The following MAN2B1 variants were observed in gnomAD, a reference collection of about 807,000 sequenced individuals.
The protein encoded by MAN2B1 is lysosomal alpha-mannosidase.
MAN2B1 carries 99 observed loss-of-function variants against 127.5 expected under a neutral mutation model. The ratio of observed to expected loss-of-function variants is 0.78; its 90% confidence interval spans 0.66 to 0.92. The LOEUF is 0.92. Among genes scored for constraint, MAN2B1 ranks in the 40% least tolerant of loss-of-function variants. MAN2B1 has a pLI of 0.00. For synonymous variants in MAN2B1, 573 were observed against 568.8 expected (o/e 1.01, Z -0.11); for missense variants, 1,304 against 1,384.8 (o/e 0.94, Z 0.93).
At position 12,664,870 on chromosome 19, in the gene MAN2B1, G is replaced by T. The variant is rs993605117; in HGVS notation, c.552C>A (p.Gly184=). 1.1e-5 allele frequency: 17 copies of T among 1,613,940 alleles called. No individual in the cohort carries two copies. Among genetic ancestry groups the T allele is most frequent in the Admixed American group, 1.7e-5 (1 of 59,984 alleles). The stretch of plus-strand genomic sequence containing the variant: ...AGGCCACACGGGGTCGCCCATCATT[G>T]CCAAATGTGTCCTCCAGAAAGCGCA... ...LGLRFLEDTF[G]NDGRPRVAWH... is the part of the protein sequence containing the mutation. Residue 184 remains glycine, a synonymous_variant, in exon 4 of 24, where the codon GGC becomes GGA. Transcript: ENST00000456935.
At chr19:12,650,594 G>A (rs1160154259) in intron 16 of MAN2B1, among the ~76,000 whole-genome samples, 4 of 151,736 alleles carry the variant, frequency 2.6e-5, no homozygotes, top group Non-Finnish European at 4.4e-5. Context: ...TCCTGACCTC[G>A]TGATCAGCCC....
intron 7 of MAN2B1, chr19:12,660,885 A>C (rs541966825): frequency 4.0e-4 from 121 of 304,414 alleles, no homozygotes; most frequent in East Asian, 2.2e-3. Context: ...CAGGCTCCCG[A>C]GTAGCTGGGA....
At chr19:12,648,828 C>T (rs1031149883) in intron 20 of MAN2B1, among the ~76,000 whole-genome samples, 5 of 152,140 alleles carry the variant, frequency 3.3e-5, no homozygotes, top group African/African-American at 1.2e-4. Flanking sequence ...AACCCCATCT[C>T]TACTAAAAAT....
At chr19:12,650,502 G>A (rs905550552) in intron 16 of MAN2B1, among the ~76,000 whole-genome samples, 4 of 147,294 alleles carry the variant, frequency 2.7e-5, no homozygotes, top group Non-Finnish European at 4.5e-5. Flanking sequence ...GGGACTACAG[G>A]CACCCGCCAC....
Position 12,648,224 on chromosome 19 carries a change from G to A in MAN2B1, c.2615C>T (p.Ala872Val), listed in dbSNP as rs1258308427. 2 of 1,580,800 alleles carry A rather than the reference G, an allele frequency of 1.3e-6. No homozygotes were observed. Among genetic ancestry groups the A allele is most frequent in the Non-Finnish European group, 8.6e-7 (1 of 1,169,366 alleles). Residue 872 changes from alanine (A) to valine (V), a missense_variant, in exon 21 of 24, where the codon GCC (alanine) becomes GTC (valine). Ala to Val is a moderately conservative substitution (Grantham distance 64, BLOSUM62 0). Coordinates refer to ENST00000456935, the MANE Select transcript of MAN2B1 (RefSeq NM_000528.4). ...QEVLAPQVVLAPGGGAAYNLG... is the reference protein window; with the variant it reads ...QEVLAPQVVLVPGGGAAYNLG... ...ATTGTAGGCGGCGCCGCCACCCGGG[G>A]CCAGCACCACCTGAGGGGCCAGGAC...
intron 18 of MAN2B1, 47 bp downstream of exon 18, chr19:12,649,866 C>T: frequency 6.7e-7 from 1 of 1,497,476 alleles, no homozygotes; most frequent in Non-Finnish European, 9.3e-7. Context: ...CCCCTGGGCC[C>T]CAACACACCA....
At chr19:12,658,373 G>A (rs951378339) in intron 8 of MAN2B1, 29 bp from the exon 9 acceptor site, 2 of 1,614,208 alleles carry the variant, frequency 1.2e-6, no homozygotes, top group Non-Finnish European at 1.7e-6. Flanking sequence ...TGAGGGCAGG[G>A]TCATGACCCA....
At chr19:12,657,832 G>A (rs1246537848) in intron 10 of MAN2B1, 1 of 614,636 alleles carries the variant, frequency 1.6e-6, no homozygotes, top group East Asian at 2.8e-5. Context: ...GTGGGCGCCT[G>A]TAGTCCCAGC....
In MAN2B1 at chr19:12,647,269, C is replaced by T. The variant is rs757072948; in HGVS notation, c.2887G>A (p.Glu963Lys). 1.2e-6 allele frequency: 2 copies of T among 1,614,102 alleles called. No individual in the cohort carries two copies. The highest frequency in any genetic ancestry group is 1.1e-5 in the South Asian group (1 of 91,076). The change falls in exon 23 of 24, where the codon GAG (glutamate) becomes AAG (lysine). Residue 963 changes from glutamate (E) to lysine (K), a missense_variant. Coordinates refer to ENST00000456935, the MANE Select transcript of MAN2B1 (RefSeq NM_000528.4). The surrounding 1 kb of genome is among the most constrained non-coding windows in gnomAD (Gnocchi z 4.9). ...ETTLVANQLR[E>K]AASRLKWTTN... ...GTCCACTTGAGCCTGGAGGCTGCCT[C>T]GCGGAGCTGGTTGGCCACCAGCGTG... is the stretch of plus-strand genomic sequence containing the variant.
At chr19:12,660,771 TTTTTTG>T in intron 7 of MAN2B1, 1 of 150,934 alleles carries the variant, frequency 6.6e-6, no homozygotes, top group Non-Finnish European at 1.5e-5. Context: ...TTTTTTTTTT[TTTTTTG>T]AGACAGAGTC....
intron 14 of MAN2B1, among the ~76,000 whole-genome samples, chr19:12,655,345 T>C (rs2023931016): frequency 6.6e-6 from 1 of 152,158 alleles, no homozygotes; most frequent in Non-Finnish European, 1.5e-5. Context: ...CCTGGATCTC[T>C]CTTCCTTCAA....
intron 18 of MAN2B1, 53 bp downstream of exon 18, chr19:12,649,859 CT>C (rs2023799235): frequency 1.4e-6 from 2 of 1,423,680 alleles, no homozygotes; most frequent in Non-Finnish European, 2.0e-6. Context: ...CTCACCACCC[CT>C]GGGCCCCAAC....
At chr19:12,665,912 G>A (rs2024224105) in intron 1 of MAN2B1, 107 bp from the exon 2 acceptor site, 4 of 854,156 alleles carry the variant, frequency 4.7e-6, no homozygotes, top group South Asian at 1.4e-5. Context: ...GCCTGATCTC[G>A]CCTATGTGCA....
rs1216353827 is a variant in MAN2B1 at position 12,663,899 on chromosome 19, CT to C, written c.631-65del. The C allele has an allele frequency of 1.9e-5, 30 of 1,608,654 alleles. No individual in the cohort carries two copies. The East Asian group carries it at 6.5e-4, about 35-fold the overall frequency. ...CCAGCCCTCTCACCACCAAACTCCC[CT>C]CTGCTTGGGAGGGGCAGGTCAGAGC... On this transcript the variant is annotated intron_variant, in intron 4 of 23. Transcript: ENST00000456935.
chr19:12,663,523 C>T (rs2024157916), intron 5 of MAN2B1, 61 bp from the exon 6 acceptor site: 5 of 1,601,132 alleles, frequency 3.1e-6, no homozygotes, highest in Non-Finnish European at 4.3e-6. Context: ...GGTTTCAAAG[C>T]CGGCCATGTC....
rs190751282 is a variant in MAN2B1, at chr19:12,661,505, C to A, written c.910-129G>T. 1.5e-3 allele frequency: 1,119 copies of A among 740,606 alleles called. 16 individuals carry two copies. The highest frequency in any genetic ancestry group is 1.6e-4 in the Non-Finnish European group (65 of 396,590). 45.9% of individuals were successfully genotyped at this position (740,606 alleles called of 1,614,324 possible). On this transcript the variant is annotated intron_variant, in intron 6 of 23. Transcript: ENST00000456935. ...TGGGTGGGGGTATGGCACTTGGGAG[C>A]GTGGGGACACAGATAAAAGTAGCCA...
intron 1 of MAN2B1, 33 bp from the exon 2 acceptor site, chr19:12,665,838 C>A: frequency 6.4e-7 from 1 of 1,554,278 alleles, no homozygotes; most frequent in South Asian, 1.1e-5. Flanking sequence ...CATACCTTGT[C>A]AATAACCCCC....
At chr19:12,655,009 C>T (rs2023924621) in intron 14 of MAN2B1, among the ~76,000 whole-genome samples, 1 of 152,120 alleles carries the variant, frequency 6.6e-6, no homozygotes, top group African/African-American at 2.4e-5. Context: ...ACTCTGTTGC[C>T]AGGATGGAGT....
chr19:12,650,346 G>A (rs372272084), intron 16 of MAN2B1, 124 bp from the exon 17 acceptor site: 44 of 681,174 alleles, frequency 6.5e-5, no homozygotes, highest in Admixed American at 2.3e-4. Flanking sequence ...TTCAGTCACC[G>A]CCACATAATT....
Sources: gnomAD v4.1 joint callset for allele counts (sites outside exome capture counted in the v4.1 genomes callset) on GRCh38, gnomAD v4.1.1 for gene constraint, Gnocchi (gnomAD v3.1) non-coding constraint, MANE v1.5 for transcripts, NCBI Gene and HGNC (gene_info 2026-07-23, HGNC 2026-07-21) for gene names.